The following MKLN1 variants were observed in gnomAD, a reference collection of about 807,000 sequenced individuals.
MKLN1 encodes muskelin 1.
Under a neutral mutation model 99.0 loss-of-function variants are expected in MKLN1, and 18 were observed. The ratio of observed to expected loss-of-function variants is 0.18; its 90% CI spans 0.13 to 0.27. The LOEUF is 0.27. Ranked by LOEUF, MKLN1 falls within the 10% of genes least tolerant of loss-of-function variation. The pLI is 1.00. For synonymous variants in MKLN1, 288 were observed against 293.2 expected, an observed-to-expected ratio of 0.98 and a Z score of 0.18; for missense variants, 621 against 875.9, an observed-to-expected ratio of 0.71 and a Z score of 3.67.
chr7:131,245,200 G>A (rs1315607711), intron 3 of MKLN1, among the ~76,000 whole-genome samples: 1 of 151,802 alleles, frequency 6.6e-6, no homozygotes, highest in Non-Finnish European at 1.5e-5. Context: ...GTCAAGTGCT[G>A]CATAATGACA....
chr7:131,353,958 G>C (rs1290198403), intron 1 of MKLN1, among the ~76,000 whole-genome samples: 2 of 150,230 alleles, frequency 1.3e-5, no homozygotes, highest in Non-Finnish European at 3.0e-5. Context: ...TCTTTTGGGG[G>C]CCTTTTATTC....
chr7:131,306,049 G>A (rs1304440463), intron 3 of MKLN1, among the ~76,000 whole-genome samples: 7 of 152,086 alleles, frequency 4.6e-5, no homozygotes, highest in African/African-American at 1.7e-4. Context: ...GAGTTCTCAG[G>A]AGAGCTGATG....
chr7:131,163,035 G>C (rs980371528), intron 2 of MKLN1, among the ~76,000 whole-genome samples: 4 of 152,102 alleles, frequency 2.6e-5, no homozygotes, highest in African/African-American at 7.2e-5. Flanking sequence ...TTCTATTATG[G>C]GTGAGGAAAT....
intron 9 of MKLN1, among the ~76,000 whole-genome samples, chr7:131,432,325 C>T (rs539864958): frequency 7.9e-5 from 12 of 152,048 alleles, no homozygotes; most frequent in Admixed American, 1.3e-4. Context: ...AACTTCATTC[C>T]GTTATTTTTT....
At chr7:131,331,600 C>T (rs550975839) in intron 1 of MKLN1, among the ~76,000 whole-genome samples, 82 of 152,028 alleles carry the variant, frequency 5.4e-4, no homozygotes, top group Non-Finnish European at 1.0e-3. Context: ...GCATGGGCAA[C>T]ACAATGAGAC....
intron 1 of MKLN1, among the ~76,000 whole-genome samples, chr7:131,353,367 C>T (rs1292225713): frequency 6.6e-6 from 1 of 151,850 alleles, no homozygotes; most frequent in Non-Finnish European, 1.5e-5. Flanking sequence ...TTGCACATCT[C>T]GTGTTTATTT....
chr7:131,395,894 A>C (rs1419868708), intron 4 of MKLN1, among the ~76,000 whole-genome samples: 1 of 151,782 alleles, frequency 6.6e-6, no homozygotes, highest in Non-Finnish European at 1.5e-5. Flanking sequence ...CTAAAATTTT[A>C]TATTTTCTTA....
chr7:131,216,837 A>G (rs1174537156), intron 3 of MKLN1, among the ~76,000 whole-genome samples: 3 of 152,182 alleles, frequency 2.0e-5, no homozygotes, highest in African/African-American at 7.2e-5. Context: ...TCCTCCAATG[A>G]TAGGGCTGTG....
chr7:131,229,917 G>A (rs898466667), intron 3 of MKLN1, among the ~76,000 whole-genome samples: 1 of 152,138 alleles, frequency 6.6e-6, no homozygotes, highest in African/African-American at 2.4e-5. Context: ...ACAGATGCAG[G>A]TTTCCCTGTT....
chr7:131,181,505 C>T (rs1008610471), intron 2 of MKLN1, among the ~76,000 whole-genome samples: 1 of 151,950 alleles, frequency 6.6e-6, no homozygotes, highest in African/African-American at 2.4e-5. Context: ...GCCAGGTGTT[C>T]GAGACCAGCT....
intron 1 of MKLN1, among the ~76,000 whole-genome samples, chr7:131,128,750 G>T (rs779581578): frequency 2.8e-5 from 4 of 143,480 alleles, no homozygotes; most frequent in Non-Finnish European, 6.0e-5. Flanking sequence ...GACAACAGGT[G>T]TGTGCCACCA....
rs1798943089 is a variant in MKLN1, at chr7:131,328,055, C to T, written c.98+58C>T. 7.0e-6 allele frequency: 11 copies of T among 1,574,452 alleles called. No individual in the cohort carries two copies. The South Asian group carries it at 1.2e-4, about 16-fold the overall frequency. On this transcript the variant is annotated intron_variant, in intron 1 of 17. Transcript: ENST00000352689. ...ACCCTTCCGCGTCAGCACGGTTGGG[C>T]CAGGGGTGCAATGGAGGGCAGCCGA... is the stretch of plus-strand genomic sequence containing the variant.
intron 2 of MKLN1, among the ~76,000 whole-genome samples, chr7:131,173,440 C>A (rs569435089): frequency 2.0e-5 from 3 of 152,238 alleles, no homozygotes; most frequent in African/African-American, 7.2e-5. Context: ...TAGTCTTGGC[C>A]GGGCGTGGTG....
intron 3 of MKLN1, among the ~76,000 whole-genome samples, chr7:131,252,329 C>CTTTTTTTTTTTTTTT (rs60581249): frequency 2.5e-5 from 3 of 118,524 alleles, no homozygotes; most frequent in Admixed American, 9.7e-5. Context: ...TTTTTCTTTT[C>CTTTTTTTTTTTTTTT]TTTTTTTTTT....
chr7:131,308,569 G>GT (rs1286320551), intron 3 of MKLN1, among the ~76,000 whole-genome samples: 5 of 138,226 alleles, frequency 3.6e-5, no homozygotes, highest in South Asian at 2.3e-4. Flanking sequence ...CCTCAGGTAG[G>GT]TTTTTTTTGT....
At chr7:131,370,940 A>G (rs1484352611) in intron 1 of MKLN1, among the ~76,000 whole-genome samples, 1 of 152,192 alleles carries the variant, frequency 6.6e-6, no homozygotes, top group Non-Finnish European at 1.5e-5. Flanking sequence ...GGAGATCAGC[A>G]GGAGTATCTT....
intron 5 of MKLN1, among the ~76,000 whole-genome samples, chr7:131,398,588 G>A (rs1794430801): frequency 6.6e-6 from 1 of 152,080 alleles, no homozygotes. Flanking sequence ...CAGCTACTTA[G>A]GAGGCTGAGG....
chr7:131,372,396 A>G (rs1020203618), intron 1 of MKLN1, among the ~76,000 whole-genome samples: 3 of 152,072 alleles, frequency 2.0e-5, no homozygotes, highest in Non-Finnish European at 2.9e-5. Context: ...AAACACAAAA[A>G]AGCACAAAGA....
intron 2 of MKLN1, among the ~76,000 whole-genome samples, chr7:131,169,645 C>T (rs563951470): frequency 6.2e-4 from 94 of 152,072 alleles, no homozygotes; most frequent in Middle Eastern, 6.8e-3. Context: ...GTTAGACTTA[C>T]GAATTGAGAT....
Sources: gnomAD v4.1 joint callset for allele counts (sites outside exome capture counted in the v4.1 genomes callset) on GRCh38, gnomAD v4.1.1 for gene constraint, MANE v1.5 for transcripts, NCBI Gene and HGNC (gene_info 2026-07-23, HGNC 2026-07-21) for gene names.